The following GAGE1 variants were observed in gnomAD, a reference collection of about 807,000 sequenced individuals.
The protein encoded by GAGE1 is G antigen 4.
GAGE1 carries 5 observed loss-of-function variants against 5.0 expected under a neutral mutation model. The ratio of observed to expected loss-of-function variants is 1.00; its 90% CI spans 0.52 to 2.11. GAGE1 has a LOEUF of 2.11. GAGE1 is among the 30% of genes most tolerant of loss of function. The pLI is 0.01. For synonymous variants in GAGE1, 6 were observed against 14.8 expected (o/e 0.40, Z 1.37); for missense variants, 9 against 38.9 (o/e 0.23, Z 2.04).
intron 4 of GAGE1, chrX:49,605,280 C>T (rs1305377243): frequency 1.2e-5 from 7 of 583,555 alleles, no homozygotes; most frequent in Non-Finnish European, 1.6e-5. Flanking sequence ...CTAATCATAT[C>T]AAATGTTACA....
At chrX:49,602,830 TC>T (rs1477713343) in intron 3 of GAGE1, among the ~76,000 whole-genome samples, 3 of 101,396 alleles carry the variant, frequency 3.0e-5, no homozygotes, top group Admixed American at 1.1e-4. Context: ...CTTTTTTTTT[TC>T]TTTGTTGAGA....
intron 3 of GAGE1, among the ~76,000 whole-genome samples, chrX:49,602,623 G>T (rs1284239037): frequency 5.6e-5 from 5 of 89,907 alleles, no homozygotes; most frequent in African/African-American, 1.0e-4. Context: ...GAATTGTTTC[G>T]ATAAAGTTTC....
intron 4 of GAGE1, among the ~76,000 whole-genome samples, chrX:49,604,509 C>A (rs1264279976): frequency 1.1e-4 from 12 of 112,254 alleles, no homozygotes; most frequent in African/African-American, 2.9e-4. Flanking sequence ...CTAAACCTAT[C>A]TTTGGTTGTT....
intron 4 of GAGE1, among the ~76,000 whole-genome samples, chrX:49,604,351 C>G (rs1292036626): frequency 3.6e-5 from 4 of 112,199 alleles, no homozygotes; most frequent in Non-Finnish European, 5.6e-5. Flanking sequence ...TCATAATTTT[C>G]AAATGCTTTT....
intron 4 of GAGE1, chrX:49,605,006 T>A: frequency 2.0e-6 from 2 of 986,543 alleles, no homozygotes; most frequent in Middle Eastern, 6.0e-4. Context: ...AGAGATGAGG[T>A]CTCACTATGT....
At chrX:49,602,108 C>G (rs1207782450) in intron 3 of GAGE1, among the ~76,000 whole-genome samples, 1 of 110,844 alleles carries the variant, frequency 9.0e-6, no homozygotes, top group African/African-American at 3.3e-5. Flanking sequence ...TCCTGGAGTT[C>G]AAGCCCAGCC....
At chrX:49,602,730 A>C (rs1319940380) in intron 3 of GAGE1, among the ~76,000 whole-genome samples, 2 of 87,075 alleles carry the variant, frequency 2.3e-5, no homozygotes, top group African/African-American at 6.9e-5. Context: ...CAAAGATCAA[A>C]ATCAGGAAAT....
intron 4 of GAGE1, chrX:49,605,077 G>A (rs376644666): frequency 9.8e-7 from 1 of 1,019,373 alleles, no homozygotes; most frequent in Non-Finnish European, 1.3e-6. Context: ...TTTCCCCACG[G>A]AAACCTTGAG....
rs1337985893 is a variant in GAGE1, at chrX:49,603,939, G to T, written c.331+146G>T. On this transcript the variant is annotated intron_variant, in intron 4 of 4. Coordinates refer to ENST00000381700, the MANE Select transcript of GAGE1 (RefSeq NM_001040663.4). ...GCCATCTCGGCTCACTGGAAATTCTGTCTCCAGGGTTCAAGTGATTCTCCT... is the reference window on the plus strand; with the variant it reads ...GCCATCTCGGCTCACTGGAAATTCTTTCTCCAGGGTTCAAGTGATTCTCCT... The T allele has an allele frequency of 8.5e-6, 8 of 938,038 alleles. No individual in the cohort carries two copies. The African/African-American group carries it at 1.3e-4, about 16-fold the overall frequency. The allele number at this position is 938,038 out of a possible 1,213,427, so 77.3% of individuals were successfully genotyped here. A position where few individuals can be genotyped will look rare whatever the true frequency, so the allele number is the denominator to read the frequency against.
At chrX:49,603,247 A>C (rs2066623961) in intron 3 of GAGE1, among the ~76,000 whole-genome samples, 1 of 54,707 alleles carries the variant, frequency 1.8e-5, no homozygotes, top group Non-Finnish European at 3.3e-5. Context: ...AATATTCTGC[A>C]GTTTGGGCTT....
rs552558355 is a variant in GAGE1, at chrX:49,604,767, G to A, written c.331+974G>A. On this transcript the variant is annotated intron_variant, in intron 4 of 4. Transcript: ENST00000381700. ...TTTTTCCGTGTGGAGAGCTGAATAC[G>A]TAGTGTAAGATCTTGTGAAATTGTG... is the stretch of plus-strand genomic sequence containing the variant. 3.4e-4 allele frequency among the ~76,000 whole-genome samples: 38 copies of A among 112,010 alleles called. 1 individual carries two copies. The South Asian group carries it at 0.013, about 37-fold the overall frequency.
chrX:49,604,033 A>G (rs2066633546), intron 4 of GAGE1, among the ~76,000 whole-genome samples: 1 of 112,613 alleles, frequency 8.9e-6, no homozygotes, highest in African/African-American at 3.2e-5. Flanking sequence ...TTGTATTTTT[A>G]GTAGAGACAG....
At chrX:49,603,990 T>G (rs1557131520) in intron 4 of GAGE1, among the ~76,000 whole-genome samples, 197 bp downstream of exon 4, 1 of 112,747 alleles carries the variant, frequency 8.9e-6, no homozygotes. Context: ...GGAGCCGGGG[T>G]TACAGGCGTG....
At chrX:49,604,130 G>C (rs2066634446) in intron 4 of GAGE1, among the ~76,000 whole-genome samples, 1 of 112,817 alleles carries the variant, frequency 8.9e-6, no homozygotes, top group Admixed American at 9.3e-5. Context: ...CGGGATTACA[G>C]GCGAGAGCCA....
intron 3 of GAGE1, among the ~76,000 whole-genome samples, chrX:49,602,570 A>ACACACACACACT (rs1425003889): frequency 4.3e-4 from 35 of 81,175 alleles, no homozygotes; most frequent in Non-Finnish European, 8.5e-4. Flanking sequence ...TCACACACAC[A>ACACACACACACT]CACACACACA....
intron 4 of GAGE1, chrX:49,605,020 C>T (rs1394326224): frequency 3.9e-6 from 4 of 1,015,773 alleles, no homozygotes; most frequent in Non-Finnish European, 5.2e-6. Flanking sequence ...ACTATGTTGC[C>T]CAGACTGGGA....
chrX:49,604,509 C>G (rs1264279976), intron 4 of GAGE1, among the ~76,000 whole-genome samples: 1 of 112,200 alleles, frequency 8.9e-6, no homozygotes, highest in East Asian at 2.8e-4. Flanking sequence ...CTAAACCTAT[C>G]TTTGGTTGTT....
At chrX:49,604,439 T>C (rs1328618499) in intron 4 of GAGE1, among the ~76,000 whole-genome samples, 1 of 112,601 alleles carries the variant, frequency 8.9e-6, no homozygotes, top group African/African-American at 3.2e-5. Context: ...GAAGCACTCA[T>C]GCGGGTTCTA....
chrX:49,606,591 T>C lies in GAGE1; in HGVS notation c.*576T>C, dbSNP rs1557132248. ...CGGATACAATTGTGATAGTGGAAATTTTTGTGTTATTCCTGATGAGAAATG... is the reference window on the plus strand; with the variant it reads ...CGGATACAATTGTGATAGTGGAAATCTTTGTGTTATTCCTGATGAGAAATG... On this transcript the variant is annotated 3_prime_UTR_variant, in exon 5 of 5. Transcript: ENST00000381700. The C allele has an allele frequency of 8.9e-6, 1 of 112,456 alleles. No homozygotes were observed. The highest frequency in any genetic ancestry group is 1.9e-5 in the Non-Finnish European group (1 of 53,334). 9.3% of individuals were successfully genotyped at this position (112,456 alleles called of 1,213,427 possible).
Sources: gnomAD v4.1 joint callset for allele counts (sites outside exome capture counted in the v4.1 genomes callset) on GRCh38, gnomAD v4.1.1 for gene constraint, MANE v1.5 for transcripts, NCBI Gene and HGNC (gene_info 2026-07-23, HGNC 2026-07-21) for gene names.